Variants in PDE1A observed in about 807,000 individuals in gnomAD.
PDE1A encodes the protein phosphodiesterase 1A, also known as dual specificity calcium/calmodulin-dependent 3',5'-cyclic nucleotide phosphodiesterase 1A.
A neutral mutation model predicts 61.7 loss-of-function variants in PDE1A; 35 were observed. The observed-to-expected ratio is 0.57, with a 90% confidence interval of 0.43 to 0.75. The LOEUF is 0.75. PDE1A is among the 30% of genes least tolerant of loss of function. The probability of loss-of-function intolerance (pLI) is 0.00; values close to 1 mark genes in which losing one functional copy is unlikely to be tolerated. For synonymous variants in PDE1A, 232 were observed against 213.2 expected, an observed-to-expected ratio of 1.09 and a Z score of -0.77; for missense variants, 597 against 630.6, an observed-to-expected ratio of 0.95 and a Z score of 0.57.
At chr2:182,678,042 T>C in the PDE1A span, among the ~76,000 whole-genome samples, 1 of 152,174 alleles carries the variant, frequency 6.6e-6, no homozygotes, top group Non-Finnish European at 1.5e-5. Flanking sequence ...GAAGCACCCC[T>C]TTTAAAGGCA....
chr2:182,593,874 G>T, the PDE1A span, among the ~76,000 whole-genome samples: 1 of 152,144 alleles, frequency 6.6e-6, no homozygotes, highest in Non-Finnish European at 1.5e-5. Flanking sequence ...AATAGCATCT[G>T]CATATTTGAG....
chr2:182,573,890 TAC>T, the PDE1A span, among the ~76,000 whole-genome samples: 1 of 144,820 alleles, frequency 6.9e-6, no homozygotes, highest in Admixed American at 7.0e-5. Flanking sequence ...TTAATATATA[TAC>T]ATATGTATAT....
chr2:182,251,648 A>G (rs544023536), intron 2 of PDE1A, among the ~76,000 whole-genome samples: 50 of 152,326 alleles, frequency 3.3e-4, no homozygotes, highest in African/African-American at 1.1e-3. Flanking sequence ...CAGCTTGCCA[A>G]TTAATGGAAG....
chr2:182,200,866 C>G (rs1307310033), intron 10 of PDE1A, among the ~76,000 whole-genome samples: 3 of 152,150 alleles, frequency 2.0e-5, no homozygotes, highest in Admixed American at 6.5e-5. Flanking sequence ...TTGTAGCACT[C>G]CAGCTTGGAT....
intron 2 of PDE1A, among the ~76,000 whole-genome samples, chr2:182,492,839 A>G (rs11883669): frequency 0.42 from 63,355 of 151,966 alleles, 13,493 homozygotes; most frequent in African/African-American, 0.48. Context: ...GATTCTCAGA[A>G]AGATTCTGTG....
the PDE1A span, among the ~76,000 whole-genome samples, chr2:182,533,824 T>C: frequency 1.3e-5 from 2 of 152,074 alleles, no homozygotes; most frequent in South Asian, 2.1e-4. Context: ...TGGATATGGA[T>C]TGGATCACCA....
rs1481121989 is a variant in PDE1A at position 182,188,988 on chromosome 2, AC to A, written c.1197del (p.Gln399HisfsTer4). The stretch of plus-strand genomic sequence containing the variant: ...AAATCATCAGAATTACCTATTTGTG[AC>A]TGGGCCACCATGGTTGACTTCCGAT... On this transcript the variant is annotated frameshift_variant, in exon 11 of 14. Transcript: ENST00000351439. LOFTEE classifies it high-confidence loss of function. The A allele has an allele frequency of 6.2e-7, 1 of 1,610,232 alleles. No homozygotes were observed. The highest frequency in any genetic ancestry group is 8.5e-7 in the Non-Finnish European group (1 of 1,176,776).
chr2:182,568,496 C>T, the PDE1A span, among the ~76,000 whole-genome samples: 1 of 152,034 alleles, frequency 6.6e-6, no homozygotes, highest in African/African-American at 2.4e-5. Context: ...GAAACCCCAT[C>T]TCTACTAAAA....
chr2:182,658,047 T>TAAAAAAAA, the PDE1A span, among the ~76,000 whole-genome samples: 547 of 66,000 alleles, frequency 8.3e-3, 7 homozygotes, highest in African/African-American at 0.013. Context: ...AGCTTCTCAG[T>TAAAAAAAA]AAAAAAAAAA....
Position 182,186,054 on chromosome 2 carries a change from T to C in PDE1A, c.1354A>G (p.Ile452Val), listed in dbSNP as rs775719902. 19 of 1,613,848 alleles carry C rather than the reference T, an allele frequency of 1.2e-5. No individual in the cohort carries two copies. The African/African-American group carries it at 2.1e-4, about 18-fold the overall frequency. The change falls in exon 13 of 14, where the codon ATT becomes GTT. Residue 452 changes from isoleucine (I) to valine (V), a missense_variant. By Grantham distance (29) the Ile-to-Val change is conservative. Transcript: ENST00000351439. ...TTTGATCGTCTTAGTGCATCAGCAA[T>C]GTGTAACCCCACAATGGTGGTTGAG...
intron 1 of PDE1A, among the ~76,000 whole-genome samples, chr2:182,387,496 G>A (rs576651660): frequency 7.9e-5 from 12 of 152,152 alleles, no homozygotes; most frequent in East Asian, 1.9e-4. Context: ...GGTGGCTCAC[G>A]CCTGTAATCC....
chr2:182,270,630 C>T (rs537895567), intron 1 of PDE1A, among the ~76,000 whole-genome samples: 10 of 151,054 alleles, frequency 6.6e-5, no homozygotes, highest in African/African-American at 2.4e-4. Flanking sequence ...CACTTGTGAT[C>T]TGATTGAAAT....
the PDE1A span, among the ~76,000 whole-genome samples, chr2:182,679,196 T>A: frequency 1.3e-5 from 2 of 149,562 alleles, no homozygotes; most frequent in East Asian, 1.9e-4. Context: ...TTATTATTTT[T>A]TTTTTGACAC....
At chr2:182,463,676 A>G (rs1340227866) in intron 2 of PDE1A, 1 of 152,224 alleles carries the variant, frequency 6.6e-6, no homozygotes. Flanking sequence ...GAGGAAGAAC[A>G]AGTACATTTT....
chr2:182,557,061 G>A, the PDE1A span, among the ~76,000 whole-genome samples: 1 of 151,954 alleles, frequency 6.6e-6, no homozygotes, highest in African/African-American at 2.4e-5. Context: ...TTGGGAGGCC[G>A]AGGCGGGTGG....
intron 1 of PDE1A, among the ~76,000 whole-genome samples, chr2:182,330,667 C>T (rs867157601): frequency 4.6e-5 from 7 of 152,098 alleles, no homozygotes; most frequent in African/African-American, 1.4e-4. Context: ...CCACTACCAT[C>T]GCTGCAGCTC....
At chr2:182,387,421 A>G (rs1701176517) in intron 1 of PDE1A, among the ~76,000 whole-genome samples, 1 of 152,110 alleles carries the variant, frequency 6.6e-6, no homozygotes, top group South Asian at 2.1e-4. Context: ...CAATAAAAAA[A>G]AAAAAAGAAG....
chr2:182,373,031 G>A (rs1175666738), intron 1 of PDE1A, among the ~76,000 whole-genome samples: 1 of 152,218 alleles, frequency 6.6e-6, no homozygotes, highest in Non-Finnish European at 1.5e-5. Flanking sequence ...GTAGTGACAA[G>A]GAGAAATTGT....
intron 2 of PDE1A, among the ~76,000 whole-genome samples, chr2:182,256,764 G>A (rs542479204): frequency 1.2e-4 from 18 of 151,806 alleles, no homozygotes; most frequent in South Asian, 4.2e-4. Context: ...TAAACTTTTC[G>A]TTTCTGGGCT....
Sources: allele counts gnomAD v4.1 joint callset (sites outside exome capture counted in the v4.1 genomes callset), GRCh38; gene constraint gnomAD v4.1.1; transcripts MANE v1.5; gene names NCBI Gene and HGNC (gene_info 2026-07-23, HGNC 2026-07-21).